LRRC4C: variants seen among roughly 807,000 people sequenced by gnomAD.
The protein encoded by LRRC4C is leucine-rich repeat-containing protein 4C.
LRRC4C carries 5 observed loss-of-function variants against 33.6 expected under a neutral mutation model. The observed-to-expected ratio is 0.15, with a 90% CI of 0.08 to 0.31. The LOEUF (loss-of-function observed/expected upper bound fraction) is 0.31, where lower values mean the gene tolerates loss of function less well. Ranked by LOEUF, LRRC4C falls within the 10% of genes least tolerant of loss-of-function variation. LRRC4C has a pLI of 1.00. For synonymous variants in LRRC4C, 329 were observed against 302.0 expected, an observed-to-expected ratio of 1.09 and a Z score of -0.93; for missense variants, 560 against 796.7, an observed-to-expected ratio of 0.70 and a Z score of 3.58.
intron 1 of LRRC4C, among the ~76,000 whole-genome samples, chr11:41,442,541 C>A (rs1276709396): frequency 2.1e-3 from 272 of 130,444 alleles, no homozygotes; most frequent in African/African-American, 7.6e-3. Flanking sequence ...ACAATCTCGG[C>A]TCACTGCAAG....
chr11:41,427,545 G>T (rs1203974290), intron 1 of LRRC4C, among the ~76,000 whole-genome samples: 1 of 152,140 alleles, frequency 6.6e-6, no homozygotes, highest in Non-Finnish European at 1.5e-5. Context: ...AGATATTTAA[G>T]CCAAGAGCTG....
At chr11:41,065,151 A>G (rs557218418) in intron 1 of LRRC4C, among the ~76,000 whole-genome samples, 2 of 152,280 alleles carry the variant, frequency 1.3e-5, no homozygotes, top group Admixed American at 6.5e-5. Flanking sequence ...GCTAGGAACC[A>G]CTGGCTTGCA....
chr11:40,756,443 T>C (rs1283008657), intron 2 of LRRC4C, among the ~76,000 whole-genome samples: 1 of 152,092 alleles, frequency 6.6e-6, no homozygotes, highest in Non-Finnish European at 1.5e-5. Context: ...ATTTTCATTT[T>C]GTAGCAAAAT....
intron 4 of LRRC4C, among the ~76,000 whole-genome samples, chr11:40,270,949 G>C (rs762107159): frequency 1.9e-4 from 29 of 152,106 alleles, no homozygotes; most frequent in Middle Eastern, 3.2e-3. Flanking sequence ...TCCTTCCTGA[G>C]TAAGGTGGCT....
intron 3 of LRRC4C, among the ~76,000 whole-genome samples, chr11:40,377,947 T>C (rs2137315934): frequency 6.6e-6 from 1 of 152,152 alleles, no homozygotes; most frequent in South Asian, 2.1e-4. Flanking sequence ...AATTACCCAG[T>C]ACAAAATGTC....
intron 2 of LRRC4C, among the ~76,000 whole-genome samples, chr11:40,761,309 G>T (rs1207681297): frequency 6.6e-6 from 1 of 152,064 alleles, no homozygotes; most frequent in East Asian, 1.9e-4. Context: ...TCATACTTTT[G>T]CAGGGTTAAA....
At chr11:40,747,979 A>T (rs548117460) in intron 2 of LRRC4C, among the ~76,000 whole-genome samples, 1 of 152,230 alleles carries the variant, frequency 6.6e-6, no homozygotes, top group Non-Finnish European at 1.5e-5. Flanking sequence ...GAATTATAAA[A>T]CCTAGTTAAC....
At chr11:40,922,866 T>C (rs1010159451) in intron 2 of LRRC4C, among the ~76,000 whole-genome samples, 1 of 152,152 alleles carries the variant, frequency 6.6e-6, no homozygotes, top group Non-Finnish European at 1.5e-5. Flanking sequence ...CATTCTGTTG[T>C]ATAGGCTGGT....
intron 1 of LRRC4C, among the ~76,000 whole-genome samples, chr11:41,088,834 C>A (rs1419757777): frequency 1.3e-5 from 2 of 151,968 alleles, no homozygotes; most frequent in African/African-American, 4.8e-5. Context: ...ACCTCCAATA[C>A]TAATGTACAT....
At chr11:40,740,768 T>G (rs1948120530) in intron 2 of LRRC4C, among the ~76,000 whole-genome samples, 2 of 152,076 alleles carry the variant, frequency 1.3e-5, no homozygotes, top group Admixed American at 6.6e-5. Flanking sequence ...AGATTTCAAG[T>G]CACAGCTTAA....
At chr11:40,672,515 T>C (rs2136281837) in intron 2 of LRRC4C, among the ~76,000 whole-genome samples, 1 of 152,346 alleles carries the variant, frequency 6.6e-6, no homozygotes, top group African/African-American at 2.4e-5. Context: ...AGAAGTGATA[T>C]CATCATTTCT....
chr11:41,150,372 T>C (rs1943934927), intron 1 of LRRC4C, among the ~76,000 whole-genome samples: 1 of 152,250 alleles, frequency 6.6e-6, no homozygotes, highest in Non-Finnish European at 1.5e-5. Flanking sequence ...ACATTTTGTT[T>C]TGGACATGGT....
intron 1 of LRRC4C, among the ~76,000 whole-genome samples, chr11:41,042,676 A>G (rs1857510759): frequency 6.6e-6 from 1 of 152,148 alleles, no homozygotes; most frequent in Non-Finnish European, 1.5e-5. Flanking sequence ...TGAAATCTCC[A>G]GTTTGCTAAT....
chr11:40,842,723 G>A (rs1413349813), intron 2 of LRRC4C, among the ~76,000 whole-genome samples: 5 of 151,930 alleles, frequency 3.3e-5, no homozygotes, highest in Non-Finnish European at 7.4e-5. Flanking sequence ...TTTTTATTGT[G>A]CTACTTACCC....
intron 1 of LRRC4C, among the ~76,000 whole-genome samples, chr11:41,087,549 G>T (rs1310709573): frequency 6.6e-6 from 1 of 151,942 alleles, no homozygotes; most frequent in Non-Finnish European, 1.5e-5. Context: ...GGCTGGTTTT[G>T]AATTCCTGGC....
chr11:40,395,259 G>A (rs1003628316), intron 3 of LRRC4C, among the ~76,000 whole-genome samples: 2 of 152,010 alleles, frequency 1.3e-5, no homozygotes, highest in African/African-American at 4.8e-5. Context: ...TAAACTTTTG[G>A]CATTGCCTGT....
intron 1 of LRRC4C, among the ~76,000 whole-genome samples, chr11:41,257,929 C>T (rs1392466616): frequency 2.0e-5 from 3 of 151,864 alleles, no homozygotes; most frequent in Non-Finnish European, 4.4e-5. Context: ...TTTTCTTTTC[C>T]TGTATCTATA....
intron 1 of LRRC4C, among the ~76,000 whole-genome samples, chr11:41,178,903 A>G (rs893510444): frequency 6.6e-6 from 1 of 152,030 alleles, no homozygotes; most frequent in African/African-American, 2.4e-5. Context: ...GGGTTTCACC[A>G]TCTTGGCCAG....
intron 1 of LRRC4C, among the ~76,000 whole-genome samples, chr11:40,948,675 T>C (rs1958540580): frequency 6.7e-6 from 1 of 149,468 alleles, no homozygotes; most frequent in Non-Finnish European, 1.5e-5. Flanking sequence ...ATTTCATCCA[T>C]GTCCCTACAA....
Sources: allele counts gnomAD v4.1 joint callset (sites outside exome capture counted in the v4.1 genomes callset), GRCh38; gene constraint gnomAD v4.1.1; transcripts MANE v1.5; gene names NCBI Gene and HGNC (gene_info 2026-07-23, HGNC 2026-07-21).